SLC24A2: variants seen among roughly 807,000 people sequenced by gnomAD.
SLC24A2 encodes sodium/potassium/calcium exchanger 2.
A neutral mutation model predicts 62.0 loss-of-function variants in SLC24A2; 36 were observed. The observed-to-expected ratio is 0.58, with a 90% CI of 0.44 to 0.77. The LOEUF is 0.77. SLC24A2 is among the 30% of genes least tolerant of loss of function. The pLI, the probability that SLC24A2 is intolerant of heterozygous loss-of-function variation, is 0.00. For missense variants in SLC24A2, 846 were observed against 817.9 expected (o/e 1.03, Z -0.42); for synonymous variants, 358 against 294.0 (o/e 1.22, Z -2.23).
intron 4 of SLC24A2, among the ~76,000 whole-genome samples, chr9:19,603,084 G>A (rs1266777144): frequency 6.6e-6 from 1 of 151,870 alleles, no homozygotes; most frequent in Non-Finnish European, 1.5e-5. Context: ...AACCATCCAT[G>A]CAACAGTTGG....
chr9:20,233,249 G>A, the SLC24A2 span, among the ~76,000 whole-genome samples: 19 of 152,104 alleles, frequency 1.2e-4, no homozygotes, highest in Non-Finnish European at 2.2e-4. Context: ...GGTCTGCTTG[G>A]TGCAGAGCTG....
the SLC24A2 span, among the ~76,000 whole-genome samples, chr9:20,081,552 C>T: frequency 1.3e-5 from 2 of 151,786 alleles, no homozygotes; most frequent in African/African-American, 4.8e-5. Flanking sequence ...ATGGGTGCAG[C>T]ACACCAGCAT....
the SLC24A2 span, among the ~76,000 whole-genome samples, chr9:19,925,436 AG>A: frequency 6.6e-6 from 1 of 152,220 alleles, no homozygotes; most frequent in Admixed American, 6.5e-5. Context: ...TACTTGTGGT[AG>A]ACATATATAT....
At chr9:20,090,475 A>C in the SLC24A2 span, among the ~76,000 whole-genome samples, 1 of 152,174 alleles carries the variant, frequency 6.6e-6, no homozygotes. Context: ...CAATTGGTGA[A>C]GAAATATAGG....
At chr9:20,231,059 T>C in the SLC24A2 span, among the ~76,000 whole-genome samples, 1 of 152,168 alleles carries the variant, frequency 6.6e-6, no homozygotes, top group African/African-American at 2.4e-5. Context: ...TGCCGCATTA[T>C]TTCTGAGGGC....
the SLC24A2 span, among the ~76,000 whole-genome samples, chr9:20,081,373 C>T: frequency 6.7e-6 from 1 of 150,102 alleles, no homozygotes; most frequent in Non-Finnish European, 1.5e-5. Context: ...CAAACTATCA[C>T]AAAGACAAAA....
intron 2 of SLC24A2, among the ~76,000 whole-genome samples, chr9:19,656,124 G>T (rs1406829491): frequency 2.0e-5 from 3 of 152,188 alleles, no homozygotes; most frequent in African/African-American, 7.2e-5. Flanking sequence ...GAACCAGAAT[G>T]TGTTTCTCTC....
At chr9:19,726,535 T>G (rs1269052027) in intron 2 of SLC24A2, among the ~76,000 whole-genome samples, 3 of 152,162 alleles carry the variant, frequency 2.0e-5, no homozygotes, top group East Asian at 1.9e-4. Context: ...AAGAGAAGGT[T>G]GTGATTGGCT....
chr9:20,089,336 C>T, the SLC24A2 span, among the ~76,000 whole-genome samples: 32 of 152,144 alleles, frequency 2.1e-4, no homozygotes, highest in African/African-American at 7.5e-4. Flanking sequence ...AGCACAACCA[C>T]TCTGCCTCTG....
chr9:20,294,716 C>A, the SLC24A2 span, among the ~76,000 whole-genome samples: 12 of 152,204 alleles, frequency 7.9e-5, no homozygotes, highest in Middle Eastern at 3.4e-3. Context: ...TAAATATTTG[C>A]TGGCAAATAT....
At chr9:19,922,649 G>T in the SLC24A2 span, among the ~76,000 whole-genome samples, 1 of 152,126 alleles carries the variant, frequency 6.6e-6, no homozygotes, top group Non-Finnish European at 1.5e-5. Flanking sequence ...CATCCTAACA[G>T]TCACTGTAAA....
the SLC24A2 span, among the ~76,000 whole-genome samples, chr9:19,802,427 C>T: frequency 6.6e-6 from 1 of 152,120 alleles, no homozygotes; most frequent in African/African-American, 2.4e-5. Context: ...GATGAAGGAA[C>T]AACGAAGTCT....
chr9:20,046,146 A>T, the SLC24A2 span, among the ~76,000 whole-genome samples: 1 of 152,232 alleles, frequency 6.6e-6, no homozygotes, highest in Admixed American at 6.5e-5. Context: ...TGGTGCTAAC[A>T]CACACATGCT....
At chr9:20,269,410 T>A in the SLC24A2 span, among the ~76,000 whole-genome samples, 1 of 152,218 alleles carries the variant, frequency 6.6e-6, no homozygotes, top group South Asian at 2.1e-4. Context: ...TCAGCTCTTC[T>A]CCTCCTCCCA....
intron 4 of SLC24A2, among the ~76,000 whole-genome samples, chr9:19,607,063 G>A (rs1837004283): frequency 1.3e-5 from 2 of 152,214 alleles, no homozygotes; most frequent in Non-Finnish European, 2.9e-5. Context: ...GTGAGGCCCT[G>A]CTACTTATTA....
Position 19,534,581 on chromosome 9 carries a change from C to T in SLC24A2, c.1480-6443G>A, listed in dbSNP as rs1833867203. On this transcript the variant is annotated intron_variant, in intron 8 of 10. Coordinates refer to ENST00000341998, the MANE Select transcript of SLC24A2 (RefSeq NM_020344.4). ...GTCCATGTTATCTCATTGTTCAACT[C>T]CCACTTATGAGTGAAAAAAATGCGG... 2.6e-5 allele frequency among the ~76,000 whole-genome samples: 4 copies of T among 151,888 alleles called. No homozygotes were observed. The South Asian group carries it at 6.2e-4, about 24-fold the overall frequency.
the SLC24A2 span, among the ~76,000 whole-genome samples, chr9:20,207,231 A>G: frequency 6.6e-6 from 1 of 152,234 alleles, no homozygotes; most frequent in African/African-American, 2.4e-5. Context: ...AAATTCCAGC[A>G]ATTACAATGA....
the SLC24A2 span, among the ~76,000 whole-genome samples, chr9:20,092,469 T>A: frequency 1.3e-5 from 2 of 152,172 alleles, no homozygotes; most frequent in African/African-American, 4.8e-5. Context: ...TTTAAGCTCA[T>A]CAGCTATCAT....
the SLC24A2 span, among the ~76,000 whole-genome samples, chr9:20,193,613 T>C: frequency 6.6e-6 from 1 of 152,068 alleles, no homozygotes; most frequent in African/African-American, 2.4e-5. Context: ...GATTCTAAAA[T>C]TAATACTGGA....
Sources: gnomAD v4.1 joint callset for allele counts (sites outside exome capture counted in the v4.1 genomes callset) on GRCh38, gnomAD v4.1.1 for gene constraint, MANE v1.5 for transcripts, NCBI Gene and HGNC (gene_info 2026-07-23, HGNC 2026-07-21) for gene names.